Variants in FGF9 observed in about 807,000 individuals in gnomAD.
FGF9 encodes the protein fibroblast growth factor 9.
A neutral mutation model predicts 19.9 loss-of-function variants in FGF9; 3 were observed. The ratio of observed to expected loss-of-function variants is 0.15; its 90% CI spans 0.07 to 0.39. The LOEUF (loss-of-function observed/expected upper bound fraction) is 0.39. Among genes scored for constraint, FGF9 ranks in the 10% least tolerant of loss-of-function variants. The probability of loss-of-function intolerance (pLI) is 1.00; values close to 1 mark genes in which losing one functional copy is unlikely to be tolerated. For synonymous variants in FGF9, 107 were observed against 106.9 expected (o/e 1.00, Z -0.01); for missense variants, 175 against 256.8 (o/e 0.68, Z 2.18).
intron 1 of FGF9, among the ~76,000 whole-genome samples, chr13:21,673,731 G>A (rs1340904680): frequency 2.0e-5 from 3 of 151,474 alleles, no homozygotes; most frequent in Admixed American, 2.0e-4. Flanking sequence ...CCGGGGCCGC[G>A]GCGGCCACCC....
At chr13:21,684,162 A>C (rs1383361260) in intron 2 of FGF9, among the ~76,000 whole-genome samples, 1 of 152,146 alleles carries the variant, frequency 6.6e-6, no homozygotes, top group Non-Finnish European at 1.5e-5. Flanking sequence ...CAAAACCTTC[A>C]TTACACCCCC....
At chr13:21,682,699 T>G (rs1872069531) in intron 2 of FGF9, among the ~76,000 whole-genome samples, 1 of 151,264 alleles carries the variant, frequency 6.6e-6, no homozygotes, top group Admixed American at 6.6e-5. Flanking sequence ...CTTCAGTTTT[T>G]TTTTTTTTTT....
At chr13:21,680,143 C>A (rs1176480676) in intron 1 of FGF9, among the ~76,000 whole-genome samples, 1 of 152,066 alleles carries the variant, frequency 6.6e-6, no homozygotes, top group Non-Finnish European at 1.5e-5. Flanking sequence ...AAAATAAGAT[C>A]ATTGTGTCGA....
chr13:21,672,347 C>T lies in FGF9; in HGVS notation c.277+158C>T, dbSNP rs1372661005. On this transcript the variant is annotated intron_variant, in intron 1 of 2. Coordinates refer to ENST00000382353, the MANE Select transcript of FGF9 (RefSeq NM_002010.3). The surrounding 1 kb of genome is among the most constrained non-coding windows in gnomAD (Gnocchi z 4.2). ...CTCTCTCTCTCTGTCTTGCCAGCTC[C>T]GAAAAAAAAATGCCTCCGGAATTGC... Among the ~76,000 whole-genome samples, 1 of 151,260 alleles carries T rather than the reference C, an allele frequency of 6.6e-6. No individual in the cohort carries two copies. The highest frequency in any genetic ancestry group is 6.6e-5 in the Admixed American group (1 of 15,198).
At chr13:21,700,321 A>C (rs989896452) in intron 2 of FGF9, among the ~76,000 whole-genome samples, 11 of 152,202 alleles carry the variant, frequency 7.2e-5, no homozygotes, top group African/African-American at 2.7e-4. Context: ...AGGAAAACTC[A>C]GTCATGATAG....
intron 2 of FGF9, among the ~76,000 whole-genome samples, chr13:21,690,905 C>A (rs1388281638): frequency 1.3e-5 from 2 of 152,162 alleles, no homozygotes; most frequent in Admixed American, 1.3e-4. Context: ...GGCTGTAATG[C>A]GGCTTAAGGA....
chr13:21,700,200 C>T (rs1184431468), intron 2 of FGF9, among the ~76,000 whole-genome samples: 3 of 152,168 alleles, frequency 2.0e-5, no homozygotes, highest in South Asian at 2.1e-4. Flanking sequence ...GATCAATGCA[C>T]GTTTCTTCTT....
intron 2 of FGF9, among the ~76,000 whole-genome samples, chr13:21,692,454 A>G (rs1360818567): frequency 2.6e-5 from 4 of 152,118 alleles, no homozygotes; most frequent in African/African-American, 4.8e-5. Flanking sequence ...ACCAGTTGCA[A>G]CTTGGAGATG....
In FGF9 at chr13:21,703,563, T is replaced by G. The variant is rs1026579851; in HGVS notation, c.*2128T>G. 6.6e-6 allele frequency: 1 copy of G among 152,232 alleles called. No homozygotes were observed. The highest frequency in any genetic ancestry group is 1.5e-5 in the Non-Finnish European group (1 of 68,038). 9.4% of individuals were successfully genotyped at this position (152,232 alleles called of 1,614,324 possible). A position where few individuals can be genotyped will look rare whatever the true frequency, so the allele number is the denominator to read the frequency against. ...TGCATTTAATTCCAAAAAGTAGTAT[T>G]CTTATTTATTATTTAACCCTTTGCT... is the stretch of plus-strand genomic sequence containing the variant. On this transcript the variant is annotated 3_prime_UTR_variant, in exon 3 of 3. Coordinates refer to ENST00000382353, the MANE Select transcript of FGF9 (RefSeq NM_002010.3).
At chr13:21,684,716 C>A (rs933522578) in intron 2 of FGF9, among the ~76,000 whole-genome samples, 1 of 152,180 alleles carries the variant, frequency 6.6e-6, no homozygotes, top group African/African-American at 2.4e-5. Context: ...ATGAAGAGCT[C>A]GAGTTAGACA....
intron 2 of FGF9, among the ~76,000 whole-genome samples, chr13:21,687,763 C>T (rs1454914841): frequency 6.6e-6 from 1 of 152,172 alleles, no homozygotes; most frequent in Non-Finnish European, 1.5e-5. Context: ...CCTGTTGGTC[C>T]TGATGGTGAA....
chr13:21,673,624 C>T (rs1871826658), intron 1 of FGF9, among the ~76,000 whole-genome samples: 2 of 152,224 alleles, frequency 1.3e-5, no homozygotes, highest in African/African-American at 4.8e-5. Flanking sequence ...CTAAAAGTGC[C>T]GTTTCCATCT....
chr13:21,686,664 C>T (rs1872165810), intron 2 of FGF9, among the ~76,000 whole-genome samples: 1 of 152,196 alleles, frequency 6.6e-6, no homozygotes, highest in South Asian at 2.1e-4. Flanking sequence ...GAGTCAGAGT[C>T]TTTGGCTTTA....
intron 2 of FGF9, among the ~76,000 whole-genome samples, chr13:21,695,069 CGTGTGTGTGTGTGCGT>C (rs1189529343): frequency 2.5e-4 from 36 of 143,488 alleles, no homozygotes; most frequent in African/African-American, 8.1e-4. Context: ...AAGATGTGTG[CGTGTGTGTGTGTGCGT>C]GTGTGTGTGT....
chr13:21,686,620 T>A (rs4770189), intron 2 of FGF9, among the ~76,000 whole-genome samples: 46,267 of 151,930 alleles, frequency 0.3, 8,502 homozygotes, highest in East Asian at 0.45. Context: ...GAATTGTAAT[T>A]CCTGCTGGTC....
chr13:21,695,937 G>A (rs1290210483), intron 2 of FGF9, among the ~76,000 whole-genome samples: 1 of 152,126 alleles, frequency 6.6e-6, no homozygotes, highest in African/African-American at 2.4e-5. Flanking sequence ...TGGACAAAAC[G>A]ACACCACATG....
intron 2 of FGF9, among the ~76,000 whole-genome samples, chr13:21,698,048 T>TGAGG (rs1565954031): frequency 6.6e-6 from 1 of 152,168 alleles, no homozygotes; most frequent in Non-Finnish European, 1.5e-5. Context: ...GACCTCGTGA[T>TGAGG]CCGCCCGCCT....
chr13:21,698,967 A>G, intron 2 of FGF9, among the ~76,000 whole-genome samples: 1 of 152,248 alleles, frequency 6.6e-6, no homozygotes, highest in Non-Finnish European at 1.5e-5. Flanking sequence ...TTAGCCAGGA[A>G]TAATCTTGCC....
chr13:21,673,798 G>A (rs1289416084), intron 1 of FGF9, among the ~76,000 whole-genome samples: 1 of 150,964 alleles, frequency 6.6e-6, no homozygotes, highest in Non-Finnish European at 1.5e-5. Flanking sequence ...CGGCCTAGGT[G>A]TGCCAGGCGG....
Sources: allele counts gnomAD v4.1 joint callset (sites outside exome capture counted in the v4.1 genomes callset), GRCh38; gene constraint gnomAD v4.1.1; non-coding constraint Gnocchi (gnomAD v3.1); transcripts MANE v1.5; gene names NCBI Gene and HGNC (gene_info 2026-07-23, HGNC 2026-07-21).